The following RBFOX1 variants were observed in gnomAD, a reference collection of about 807,000 sequenced individuals.
RBFOX1 encodes the protein RNA binding protein fox-1 homolog 1.
Under a neutral mutation model 57.7 loss-of-function variants are expected in RBFOX1, and 8 were observed. The observed-to-expected ratio is 0.14, with a 90% CI of 0.08 to 0.25. The LOEUF is 0.25. RBFOX1 is among the 10% of genes least tolerant of loss of function. The pLI is 1.00. For missense variants in RBFOX1, 611 were observed against 548.5 expected (o/e 1.11, Z -1.14); for synonymous variants, 326 against 222.4 (o/e 1.47, Z -4.15).
intron 1 of RBFOX1, among the ~76,000 whole-genome samples, chr16:6,125,844 C>G (rs982990783): frequency 2.0e-5 from 3 of 152,108 alleles, no homozygotes; most frequent in African/African-American, 7.2e-5. Context: ...GATGTACAAA[C>G]CTTCCTACTG....
intron 1 of RBFOX1, among the ~76,000 whole-genome samples, chr16:6,160,957 C>T (rs1444779432): frequency 6.6e-6 from 1 of 152,210 alleles, no homozygotes; most frequent in African/African-American, 2.4e-5. Context: ...GCCCCTTGTT[C>T]ATTTGTGTTC....
chr16:6,543,948 G>T (rs140933923), intron 2 of RBFOX1, among the ~76,000 whole-genome samples: 18 of 152,298 alleles, frequency 1.2e-4, no homozygotes, highest in Non-Finnish European at 2.1e-4. Flanking sequence ...AGGGCATTTT[G>T]CTTTTAAATC....
intron 3 of RBFOX1, among the ~76,000 whole-genome samples, chr16:5,791,150 G>A (rs747291591): frequency 6.6e-6 from 1 of 152,096 alleles, no homozygotes; most frequent in Non-Finnish European, 1.5e-5. Context: ...TTACAGGCGT[G>A]AGCCACAGTG....
intron 3 of RBFOX1, among the ~76,000 whole-genome samples, chr16:6,941,936 T>C (rs541102016): frequency 1.6e-3 from 242 of 152,178 alleles, no homozygotes; most frequent in Non-Finnish European, 2.2e-3. Context: ...GTCTCCCAAG[T>C]AGCTGGGAAA....
intron 3 of RBFOX1, among the ~76,000 whole-genome samples, chr16:6,932,711 C>T (rs9940379): frequency 0.46 from 69,246 of 152,006 alleles, 16,070 homozygotes; most frequent in East Asian, 0.68. Context: ...TAATCTCTTT[C>T]TGTTAAATTT....
At chr16:6,256,358 G>T (rs192032700) in intron 1 of RBFOX1, among the ~76,000 whole-genome samples, 1 of 147,682 alleles carries the variant, frequency 6.8e-6, no homozygotes, top group Admixed American at 7.0e-5. Context: ...CCAAGAAGGG[G>T]AAGAGGTTGG....
At position 5,339,470 on chromosome 16, in the gene RBFOX1, G is replaced by GTTTTTTTTTTTTTTTTTTTTTTTTTT. The variant is rs560472298; in HGVS notation, c.219+99370_219+99395dup. On this transcript the variant is annotated intron_variant, in intron 1 of 2. Coordinates refer to the RBFOX1 transcript ENST00000585867. ...AAAAGCTAGAAGCTGCTTTTTCCGTGTTTTTTTTTTTTTTTTTTTTTTTTT... is the reference window on the plus strand; with the variant it reads ...AAAAGCTAGAAGCTGCTTTTTCCGTGTTTTTTTTTTTTTTTTTTTTTTTTTTTTTTTTTTTTTTTTTTTTTTTTTTT... Among the ~76,000 whole-genome samples the GTTTTTTTTTTTTTTTTTTTTTTTTTT allele has an allele frequency of 7.3e-4, 30 of 40,888 alleles. 9 individuals carry two copies. Among genetic ancestry groups the GTTTTTTTTTTTTTTTTTTTTTTTTTT allele is most frequent in the South Asian group, 4.0e-3 (2 of 498 alleles). 26.8% of individuals were successfully genotyped at this position (40,888 alleles called of 152,430 possible).
chr16:6,874,479 C>G (rs982587819), intron 3 of RBFOX1, among the ~76,000 whole-genome samples: 3 of 140,744 alleles, frequency 2.1e-5, no homozygotes, highest in African/African-American at 5.4e-5. Flanking sequence ...CCACTGCACT[C>G]CAGGCTGGGC....
chr16:6,441,707 C>T (rs957883190), intron 2 of RBFOX1, among the ~76,000 whole-genome samples: 3 of 152,138 alleles, frequency 2.0e-5, no homozygotes, highest in African/African-American at 7.2e-5. Context: ...TGTGAGCCAC[C>T]TCGTGCAGTC....
At chr16:7,087,004 C>T (rs897260260) in intron 4 of RBFOX1, among the ~76,000 whole-genome samples, 6 of 152,158 alleles carry the variant, frequency 3.9e-5, no homozygotes, top group Non-Finnish European at 5.9e-5. Flanking sequence ...CAGCGATGGG[C>T]AGGACCGCAG....
At chr16:6,894,835 A>G (rs1232449531) in intron 3 of RBFOX1, among the ~76,000 whole-genome samples, 4 of 152,230 alleles carry the variant, frequency 2.6e-5, no homozygotes, top group Non-Finnish European at 5.9e-5. Flanking sequence ...GTCCAGAATA[A>G]GACATGTTGG....
chr16:7,266,185 C>G (rs2095133619), intron 4 of RBFOX1, among the ~76,000 whole-genome samples: 1 of 151,800 alleles, frequency 6.6e-6, no homozygotes, highest in Non-Finnish European at 1.5e-5. Flanking sequence ...CTGTGTTACC[C>G]AAGATAGTGT....
chr16:6,116,530 C>T (rs1365390892), intron 1 of RBFOX1, among the ~76,000 whole-genome samples: 3 of 152,200 alleles, frequency 2.0e-5, no homozygotes, highest in African/African-American at 7.2e-5. Flanking sequence ...ATAACCACAA[C>T]TGCTGCAGCC....
intron 1 of RBFOX1, among the ~76,000 whole-genome samples, chr16:6,160,851 A>G (rs1312328025): frequency 6.6e-6 from 1 of 151,948 alleles, no homozygotes; most frequent in East Asian, 1.9e-4. Flanking sequence ...GAATGCCTTA[A>G]TCTCGAGTGT....
At chr16:6,995,301 TG>T in intron 3 of RBFOX1, among the ~76,000 whole-genome samples, 1 of 120,500 alleles carries the variant, frequency 8.3e-6, no homozygotes, top group Non-Finnish European at 1.9e-5. Flanking sequence ...TGTGTGTGTG[TG>T]TGTGTGTGTG....
chr16:7,558,559 A>G (rs752028716), intron 5 of RBFOX1, among the ~76,000 whole-genome samples: 74 of 152,096 alleles, frequency 4.9e-4, no homozygotes, highest in Non-Finnish European at 6.3e-4. Flanking sequence ...TTCTTACTAT[A>G]TATGCTTTAA....
chr16:6,377,418 C>T (rs1391489828), intron 2 of RBFOX1, among the ~76,000 whole-genome samples: 1 of 152,078 alleles, frequency 6.6e-6, no homozygotes, highest in Non-Finnish European at 1.5e-5. Context: ...TCTGGGGGGC[C>T]ATGGATTTCT....
At chr16:5,747,677 A>T (rs1183702925) in intron 3 of RBFOX1, among the ~76,000 whole-genome samples, 1 of 152,086 alleles carries the variant, frequency 6.6e-6, no homozygotes, top group African/African-American at 2.4e-5. Context: ...AGAGGTGTTT[A>T]TACTATTCTT....
chr16:6,490,942 A>G (rs751301432), intron 2 of RBFOX1, among the ~76,000 whole-genome samples: 1 of 152,092 alleles, frequency 6.6e-6, no homozygotes, highest in Non-Finnish European at 1.5e-5. Flanking sequence ...TGGAATACCT[A>G]TTTCATCTAA....
Sources: allele counts gnomAD v4.1 joint callset (sites outside exome capture counted in the v4.1 genomes callset), GRCh38; gene constraint gnomAD v4.1.1; transcripts MANE v1.5; gene names NCBI Gene and HGNC (gene_info 2026-07-23, HGNC 2026-07-21).